The following INIP variants were observed in gnomAD, a reference collection of about 807,000 sequenced individuals.
The protein encoded by INIP is INTS3 and NABP interacting protein, also known as SOSS complex subunit C.
INIP carries 9 observed loss-of-function variants against 14.0 expected under a neutral mutation model. The observed-to-expected ratio is 0.64, with a 90% CI of 0.39 to 1.12. INIP has a LOEUF of 1.12. Among genes scored for constraint, INIP ranks in the 50% most tolerant of loss-of-function variants. The probability of loss-of-function intolerance (pLI) is 0.01; values close to 1 mark genes in which losing one functional copy is unlikely to be tolerated. For synonymous variants in INIP, 37 were observed against 41.5 expected (o/e 0.89, Z 0.41); for missense variants, 78 against 122.7 (o/e 0.64, Z 1.72).
intron 2 of INIP, among the ~76,000 whole-genome samples, chr9:112,703,182 C>G (rs1838353390): frequency 6.6e-6 from 1 of 152,130 alleles, no homozygotes; most frequent in Admixed American, 6.6e-5. Flanking sequence ...GCAGAGGGAT[C>G]TTCATACAGA....
chr9:112,691,796 G>A (rs1191477977), intron 3 of INIP, among the ~76,000 whole-genome samples: 1 of 152,170 alleles, frequency 6.6e-6, no homozygotes, highest in East Asian at 1.9e-4. Context: ...GATCACTTGA[G>A]GCCAGGAGTT....
At chr9:112,695,829 A>G (rs112445014) in intron 2 of INIP, among the ~76,000 whole-genome samples, 13 of 104,058 alleles carry the variant, frequency 1.2e-4, no homozygotes, top group Middle Eastern at 4.5e-3. Context: ...GGAGAAGAAG[A>G]AGGAGAAGAA....
rs1047736204 is a variant in INIP at position 112,684,203 on chromosome 9, GCTCT to G, written c.*3331_*3334del. ...GAGAAAGAAATAAACAAAAATTCTT[GCTCT>G]CTAAGACTTTACATACTAGTGGAAC... is the stretch of plus-strand genomic sequence containing the variant. On this transcript the variant is annotated 3_prime_UTR_variant, in exon 5 of 5. Transcript: ENST00000374242. 1.3e-5 allele frequency: 2 copies of G among 152,202 alleles called. No homozygotes were observed. Among genetic ancestry groups the G allele is most frequent in the Non-Finnish European group, 2.9e-5 (2 of 67,992 alleles). The allele number at this position is 152,202 out of a possible 1,614,324, so 9.4% of individuals were successfully genotyped here.
chr9:112,687,296 C>G lies in INIP; in HGVS notation c.*242G>C. On this transcript the variant is annotated 3_prime_UTR_variant, in exon 5 of 5. Transcript: ENST00000374242. ...GTTCACAGTCTGATTGAGAGTTAAA[C>G]AGCATTACAAAAAAGTTACAGTCAC... is the stretch of plus-strand genomic sequence containing the variant. 2 of 363,726 alleles carry G rather than the reference C, an allele frequency of 5.5e-6. No individual in the cohort carries two copies. The highest frequency in any genetic ancestry group is 1.0e-4 in the South Asian group (2 of 19,904). The allele number at this position is 363,726 out of a possible 1,614,324, so 22.5% of individuals were successfully genotyped here.
chr9:112,690,000 TA>T (rs1837824320), intron 3 of INIP, among the ~76,000 whole-genome samples: 2 of 152,146 alleles, frequency 1.3e-5, no homozygotes, highest in African/African-American at 2.4e-5. Context: ...ATATTCTTTA[TA>T]GGGGTAAAAA....
At chr9:112,687,852 G>A (rs1253176168) in intron 4 of INIP, among the ~76,000 whole-genome samples, 3 of 152,154 alleles carry the variant, frequency 2.0e-5, no homozygotes, top group Non-Finnish European at 4.4e-5. Flanking sequence ...TTGGGAGGCT[G>A]AGGTGGGCGA....
intron 2 of INIP, among the ~76,000 whole-genome samples, chr9:112,709,966 A>G (rs1838595013): frequency 6.6e-6 from 1 of 152,220 alleles, no homozygotes. Context: ...GCCTTCAGAA[A>G]CCTACTCCAA....
At chr9:112,688,649 C>A (rs1034634306) in intron 4 of INIP, among the ~76,000 whole-genome samples, 6 of 151,980 alleles carry the variant, frequency 3.9e-5, no homozygotes, top group Non-Finnish European at 5.9e-5. Context: ...AGTGAGACCC[C>A]ATCTCTACAA....
chr9:112,709,163 A>C (rs751478280), intron 2 of INIP, among the ~76,000 whole-genome samples: 23 of 151,852 alleles, frequency 1.5e-4, no homozygotes, highest in Non-Finnish European at 2.8e-4. Context: ...GCTTGAATCA[A>C]CCTTTCTTCC....
intron 2 of INIP, among the ~76,000 whole-genome samples, chr9:112,714,133 C>T (rs2051017): frequency 0.23 from 35,403 of 151,940 alleles, 4,483 homozygotes; most frequent in African/African-American, 0.34. Flanking sequence ...GGAATACTAC[C>T]CCACAATAAC....
intron 2 of INIP, among the ~76,000 whole-genome samples, chr9:112,698,525 T>A (rs996660465): frequency 6.6e-6 from 1 of 152,038 alleles, no homozygotes; most frequent in Non-Finnish European, 1.5e-5. Flanking sequence ...AAAATAATGT[T>A]AAGGAAACAT....
Position 112,687,549 on chromosome 9 carries a change from C to A in INIP, c.304G>T (p.Asp102Tyr). 6.2e-7 allele frequency: 1 copy of A among 1,603,496 alleles called. No individual in the cohort carries two copies. The highest frequency in any genetic ancestry group is 1.1e-5 in the South Asian group (1 of 90,536). The change falls in exon 5 of 5, where the codon GAC becomes TAC. Residue 102 changes from aspartate (D) to tyrosine (Y), a missense_variant. By Grantham distance (160) the Asp-to-Tyr change is radical. Coordinates refer to ENST00000374242, the MANE Select transcript of INIP (RefSeq NM_021218.3). ...NLILPVLPRL[D>Y]PE Reference sequence around the variant, plus strand: ...CGCAAATGTTTTCTTCATTCTGGGTCAAGGCGAGGTAAAACAGGAAGAATA... The same window carrying A: ...CGCAAATGTTTTCTTCATTCTGGGTAAAGGCGAGGTAAAACAGGAAGAATA...
Position 112,700,538 on chromosome 9 carries a change from T to TATA in INIP, c.26-6306_26-6305insTAT, listed in dbSNP as rs112196431. Among the ~76,000 whole-genome samples, 441 of 122,166 alleles carry TATA rather than the reference T, an allele frequency of 3.6e-3. 4 individuals are homozygous for TATA. The highest frequency in any genetic ancestry group is 0.021 in the East Asian group (105 of 5,098). The allele number at this position is 122,166 out of a possible 152,430, so 80.1% of individuals were successfully genotyped here. On this transcript the variant is annotated intron_variant, in intron 2 of 4. Transcript: ENST00000374242. ...TAGGTATATATAATATATATATATA[T>TATA]TATATATACCTAATTATATTATATA...
chr9:112,693,401 C>A (rs952419481), intron 3 of INIP, among the ~76,000 whole-genome samples: 5 of 152,142 alleles, frequency 3.3e-5, no homozygotes, highest in African/African-American at 9.7e-5. Flanking sequence ...TGCCAACAAG[C>A]CTTACTCCAT....
chr9:112,691,452 C>A (rs917017718), intron 3 of INIP, among the ~76,000 whole-genome samples: 1 of 152,146 alleles, frequency 6.6e-6, no homozygotes, highest in Non-Finnish European at 1.5e-5. Context: ...TAGAGACATC[C>A]AGGAGGCAGA....
intron 2 of INIP, among the ~76,000 whole-genome samples, chr9:112,715,941 G>A (rs889589156): frequency 2.0e-5 from 3 of 152,078 alleles, no homozygotes; most frequent in East Asian, 1.9e-4. Context: ...TCACTTAGGC[G>A]ATTGAAATTT....
Position 112,717,967 on chromosome 9 carries a change from C to T in INIP, c.-57+20G>A, listed in dbSNP as rs1191340785. On this transcript the variant is annotated intron_variant, in intron 1 of 4. Transcript: ENST00000374242. ...GCCACACTTTTCTATTGCCCGGTGC[C>T]TCCAGACTGTCGTACTTACCTGGGA... 6.5e-6 allele frequency: 1 copy of T among 152,702 alleles called. No individual in the cohort carries two copies. The highest frequency in any genetic ancestry group is 1.9e-4 in the East Asian group (1 of 5,198). 9.5% of individuals were successfully genotyped at this position (152,702 alleles called of 1,614,324 possible). A position where few individuals can be genotyped will look rare whatever the true frequency, so the allele number is the denominator to read the frequency against.
chr9:112,696,212 G>A (rs1174988484), intron 2 of INIP, among the ~76,000 whole-genome samples: 1 of 152,054 alleles, frequency 6.6e-6, no homozygotes, highest in Non-Finnish European at 1.5e-5. Flanking sequence ...TTTCTGAAGA[G>A]AGTTTTCTAA....
intron 3 of INIP, among the ~76,000 whole-genome samples, chr9:112,690,807 T>C (rs1444675796): frequency 1.3e-5 from 2 of 152,196 alleles, no homozygotes; most frequent in African/African-American, 4.8e-5. Context: ...GGACACACCA[T>C]AGGAACCTTT....
Sources: gnomAD v4.1 joint callset for allele counts (sites outside exome capture counted in the v4.1 genomes callset) on GRCh38, gnomAD v4.1.1 for gene constraint, MANE v1.5 for transcripts, NCBI Gene and HGNC (gene_info 2026-07-23, HGNC 2026-07-21) for gene names.